RNF111: variants seen among roughly 807,000 people sequenced by gnomAD.
RNF111 encodes E3 ubiquitin-protein ligase Arkadia.
A neutral mutation model predicts 95.1 loss-of-function variants in RNF111; 17 were observed. That is an observed-to-expected ratio of 0.18 (90% CI 0.12 to 0.27). The LOEUF is 0.27. RNF111 is among the 10% of genes least tolerant of loss of function. The pLI, the probability that RNF111 is intolerant of heterozygous loss-of-function variation, is 1.00. For missense variants in RNF111, 1,189 were observed against 1,210.4 expected, an observed-to-expected ratio of 0.98 and a Z score of 0.26; for synonymous variants, 440 against 414.8, an observed-to-expected ratio of 1.06 and a Z score of -0.74.
chr15:59,086,492 G>T (rs183410678), intron 10 of RNF111, among the ~76,000 whole-genome samples: 34 of 152,310 alleles, frequency 2.2e-4, no homozygotes, highest in African/African-American at 6.3e-4. Flanking sequence ...TTTGTAAAGT[G>T]CTAAAGGACA....
chr15:59,066,703 A>C, intron 5 of RNF111, 61 bp from the exon 6 acceptor site: 2 of 1,342,464 alleles, frequency 1.5e-6, no homozygotes, highest in Admixed American at 1.9e-5. Flanking sequence ...CCCCATACCT[A>C]TTTTTTTACA....
At chr15:58,989,874 CTT>C (rs35673657) in intron 1 of RNF111, among the ~76,000 whole-genome samples, 4 of 147,034 alleles carry the variant, frequency 2.7e-5, no homozygotes, top group African/African-American at 5.0e-5. Context: ...ATGTTTCCTT[CTT>C]TTTTTTTTTG....
chr15:59,016,626 A>G (rs1380267303), intron 1 of RNF111, among the ~76,000 whole-genome samples: 1 of 152,054 alleles, frequency 6.6e-6, no homozygotes, highest in Non-Finnish European at 1.5e-5. Flanking sequence ...TACCCTACCT[A>G]TTTCAAACAG....
At chr15:59,054,798 A>G (rs1053185774) in intron 3 of RNF111, among the ~76,000 whole-genome samples, 6 of 152,130 alleles carry the variant, frequency 3.9e-5, no homozygotes, top group South Asian at 2.1e-4. Context: ...ATGACCTTTT[A>G]TATTACAGAT....
chr15:59,056,778 C>T (rs8030514), intron 4 of RNF111, among the ~76,000 whole-genome samples: 3,537 of 152,090 alleles, frequency 0.023, 45 homozygotes, highest in African/African-American at 0.04. Context: ...GTAAGACAGT[C>T]GTTAATGTAA....
At chr15:59,076,277 C>T (rs2043162936) in intron 7 of RNF111, 62 bp downstream of exon 7, 2 of 1,542,818 alleles carry the variant, frequency 1.3e-6, no homozygotes, top group South Asian at 1.2e-5. Flanking sequence ...TTTGTACTTC[C>T]TTATGAAATA....
chr15:59,088,455 T>C (rs1243646541), intron 10 of RNF111, among the ~76,000 whole-genome samples: 1 of 152,242 alleles, frequency 6.6e-6, no homozygotes, highest in Non-Finnish European at 1.5e-5. Flanking sequence ...TAATAGGCTA[T>C]TGAAGGTTAA....
At chr15:59,082,696 T>C (rs1403251788) in intron 8 of RNF111, among the ~76,000 whole-genome samples, 1 of 152,146 alleles carries the variant, frequency 6.6e-6, no homozygotes, top group Non-Finnish European at 1.5e-5. Context: ...ACAGAGAACA[T>C]ACGGCCTGTA....
chr15:59,066,782 C>T lies in RNF111; in HGVS notation c.1385C>T (p.Thr462Ile), dbSNP rs1383259628. Reference protein sequence around the residue: ...TSIGDDSRRTTSSAVTETGPP... With the variant: ...TSIGDDSRRTISSAVTETGPP... Reference sequence around the variant, plus strand: ...TTTCAAGATGACTCAAGGAGAACTACATCTAGTGCTGTAACGGAAACTGGC... The same window carrying T: ...TTTCAAGATGACTCAAGGAGAACTATATCTAGTGCTGTAACGGAAACTGGC... Residue 462 changes from threonine (T) to isoleucine (I), a missense_variant, in exon 6 of 14, where the codon ACA becomes ATA. Thr to Ile is a moderately conservative substitution (Grantham distance 89, BLOSUM62 -1). This residue lies in a region of RNF111 where 1,024 missense variants were observed against 925.9 expected (regional missense o/e 1.11). Coordinates refer to ENST00000348370, the MANE Select transcript of RNF111 (RefSeq NM_017610.8). The T allele has an allele frequency of 1.9e-6, 3 of 1,613,638 alleles. No homozygotes were observed. The highest frequency in any genetic ancestry group is 1.3e-5 in the African/African-American group (1 of 74,896).
intron 1 of RNF111, among the ~76,000 whole-genome samples, chr15:58,999,605 G>C (rs2039236837): frequency 6.6e-6 from 1 of 152,036 alleles, no homozygotes; most frequent in Non-Finnish European, 1.5e-5. Context: ...TCAAGTGCTG[G>C]GATTACAGGT....
intron 1 of RNF111, among the ~76,000 whole-genome samples, chr15:59,026,364 G>A (rs1349549711): frequency 6.6e-6 from 1 of 151,960 alleles, no homozygotes; most frequent in East Asian, 1.9e-4. Context: ...ACTAGTATCA[G>A]GAGTAATTAG....
intron 1 of RNF111, among the ~76,000 whole-genome samples, chr15:59,011,206 C>T (rs1030803770): frequency 6.6e-6 from 1 of 152,132 alleles, no homozygotes; most frequent in African/African-American, 2.4e-5. Flanking sequence ...TCTTATCCTT[C>T]CTGGAAAACT....
chr15:59,076,142 G>T lies in RNF111; in HGVS notation c.1875G>T (p.Met625Ile), dbSNP rs770390047. The change falls in exon 7 of 14, where the codon ATG (methionine) becomes ATT (isoleucine). Residue 625 changes from methionine to isoleucine, a missense_variant. Physicochemically the swap from Met to Ile is conservative, Grantham distance 10. Coordinates refer to ENST00000348370, the MANE Select transcript of RNF111 (RefSeq NM_017610.8). Reference protein sequence around the residue: ...LSSIDGYGSSMVAQPQPQPPP... With the variant: ...LSSIDGYGSSIVAQPQPQPPP... ...CAATAGATGGCTATGGATCAAGCAT[G>T]GTTGCGCAGCCCCAGCCCCAGCCCC... The T allele has an allele frequency of 9.3e-6, 15 of 1,613,904 alleles. No homozygotes were observed. Among genetic ancestry groups the T allele is most frequent in the Admixed American group, 3.3e-5 (2 of 59,990 alleles).
intron 2 of RNF111, among the ~76,000 whole-genome samples, chr15:59,037,429 A>T (rs973519471): frequency 1.3e-5 from 2 of 152,236 alleles, no homozygotes; most frequent in Non-Finnish European, 2.9e-5. Context: ...ATATATTTCT[A>T]GGATCTATTC....
intron 1 of RNF111, among the ~76,000 whole-genome samples, chr15:59,024,397 T>A (rs1055878315): frequency 8.5e-5 from 13 of 152,202 alleles, no homozygotes; most frequent in African/African-American, 2.4e-5. Context: ...ATGAGATTCC[T>A]GCTTCCTTGG....
At chr15:59,079,354 C>T (rs980527163) in intron 7 of RNF111, among the ~76,000 whole-genome samples, 1 of 152,150 alleles carries the variant, frequency 6.6e-6, no homozygotes, top group Admixed American at 6.5e-5. Context: ...GAGCTTTGTG[C>T]CTTCTTGAAG....
Position 59,031,744 on chromosome 15 carries a change from T to A in RNF111, c.880+42T>A, listed in dbSNP as rs754721530. 5 of 1,547,180 alleles carry A rather than the reference T, an allele frequency of 3.2e-6. No individual in the cohort carries two copies. The African/African-American group carries it at 4.1e-5, about 13-fold the overall frequency. Reference sequence around the variant, plus strand: ...TGAGTAAAACATGGAACCTATTGCATTGCATTTGTGCTTAATTTTTTGTTT... The same window carrying A: ...TGAGTAAAACATGGAACCTATTGCAATGCATTTGTGCTTAATTTTTTGTTT... On this transcript the variant is annotated intron_variant, in intron 2 of 13. Coordinates refer to ENST00000348370, the MANE Select transcript of RNF111 (RefSeq NM_017610.8).
At chr15:59,003,816 G>A (rs779366540) in intron 1 of RNF111, among the ~76,000 whole-genome samples, 28 of 152,206 alleles carry the variant, frequency 1.8e-4, no homozygotes, top group African/African-American at 6.3e-4. Context: ...GCTGATGCCA[G>A]TGCCTAAAAC....
At chr15:59,078,326 G>A (rs1237597747) in intron 7 of RNF111, among the ~76,000 whole-genome samples, 3 of 152,070 alleles carry the variant, frequency 2.0e-5, no homozygotes, top group African/African-American at 7.2e-5. Flanking sequence ...TAAAACAACT[G>A]TACTTGAAAT....
Sources: allele counts gnomAD v4.1 joint callset (sites outside exome capture counted in the v4.1 genomes callset), GRCh38; gene constraint gnomAD v4.1.1; regional missense constraint gnomAD v4.1.1; transcripts MANE v1.5; gene names NCBI Gene and HGNC (gene_info 2026-07-23, HGNC 2026-07-21).